WWOX: variants seen among roughly 807,000 people sequenced by gnomAD.
WWOX encodes the protein WW domain-containing oxidoreductase.
In WWOX, 69 loss-of-function variants were observed where a neutral mutation model predicts 46.2. That is an observed-to-expected ratio of 1.49 (90% confidence interval 1.23 to 1.82). The LOEUF (loss-of-function observed/expected upper bound fraction) is 1.82, where lower values mean the gene tolerates loss of function less well. Ranked by LOEUF, WWOX falls within the 40% of genes most tolerant of loss-of-function variation. The probability of loss-of-function intolerance (pLI) is 0.00; values close to 1 mark genes in which losing one functional copy is unlikely to be tolerated. For missense variants in WWOX, 919 were observed against 542.6 expected (o/e 1.69, Z -6.89); for synonymous variants, 359 against 202.6 (o/e 1.77, Z -6.56).
chr16:79,080,544 C>T lies in WWOX; in HGVS notation c.1057-131064C>T, dbSNP rs75732749. On this transcript the variant is annotated intron_variant, in intron 8 of 8. Coordinates refer to ENST00000566780, the MANE Select transcript of WWOX (RefSeq NM_016373.4). Reference sequence around the variant, plus strand: ...AGGAATTTGCACATTATAGCCACAACCATACCCAGAACCAGATTGTCTAAC... The same window carrying T: ...AGGAATTTGCACATTATAGCCACAATCATACCCAGAACCAGATTGTCTAAC... 1.6e-3 allele frequency among the ~76,000 whole-genome samples: 239 copies of T among 152,346 alleles called. 5 individuals carry two copies. The East Asian group carries it at 0.044, about 28-fold the overall frequency.
intron 8 of WWOX, among the ~76,000 whole-genome samples, chr16:79,176,653 A>G (rs980578865): frequency 6.6e-6 from 1 of 152,074 alleles, no homozygotes; most frequent in South Asian, 2.1e-4. Context: ...GAATCTATGG[A>G]CATGTCTTTT....
chr16:78,793,041 C>G (rs927726981), intron 8 of WWOX, among the ~76,000 whole-genome samples: 4 of 152,146 alleles, frequency 2.6e-5, no homozygotes, highest in African/African-American at 9.7e-5. Context: ...TGCCCCCTTT[C>G]TTTCTTTCAT....
intron 5 of WWOX, among the ~76,000 whole-genome samples, chr16:78,274,649 G>A (rs1358069318): frequency 6.6e-6 from 1 of 152,100 alleles, no homozygotes; most frequent in Non-Finnish European, 1.5e-5. Flanking sequence ...TTAGAGACAG[G>A]GGTTATCTAG....
chr16:78,405,322 A>G (rs1036365663), intron 6 of WWOX, among the ~76,000 whole-genome samples: 1 of 152,068 alleles, frequency 6.6e-6, no homozygotes, highest in African/African-American at 2.4e-5. Flanking sequence ...AACTGAAATA[A>G]AAAAAAATTA....
chr16:78,354,949 T>C (rs1420228831), intron 5 of WWOX, among the ~76,000 whole-genome samples: 2 of 151,978 alleles, frequency 1.3e-5, no homozygotes, highest in Non-Finnish European at 2.9e-5. Context: ...CTGGGCAACA[T>C]GGTGAAGCTC....
At chr16:79,194,959 G>C (rs2051209575) in intron 8 of WWOX, among the ~76,000 whole-genome samples, 1 of 152,102 alleles carries the variant, frequency 6.6e-6, no homozygotes, top group African/African-American at 2.4e-5. Context: ...AGATGCTACT[G>C]CTAATGCTGT....
intron 4 of WWOX, among the ~76,000 whole-genome samples, chr16:78,129,023 C>T (rs1409189365): frequency 6.6e-6 from 1 of 152,118 alleles, no homozygotes; most frequent in East Asian, 1.9e-4. Context: ...TGTAGTAGAT[C>T]CATATGGGGA....
At chr16:78,619,661 T>C (rs2046128220) in intron 8 of WWOX, among the ~76,000 whole-genome samples, 1 of 151,908 alleles carries the variant, frequency 6.6e-6, no homozygotes, top group Non-Finnish European at 1.5e-5. Flanking sequence ...AGCCAGCACT[T>C]CGGGAGTCCA....
chr16:78,378,849 G>C (rs2081889110), intron 5 of WWOX, among the ~76,000 whole-genome samples: 1 of 152,018 alleles, frequency 6.6e-6, no homozygotes. Flanking sequence ...ATTCTAACTG[G>C]GTAAAATAAA....
At chr16:78,592,787 C>G (rs1423448789) in intron 8 of WWOX, among the ~76,000 whole-genome samples, 1 of 152,132 alleles carries the variant, frequency 6.6e-6, no homozygotes, top group Admixed American at 6.5e-5. Flanking sequence ...GCCACTCCAC[C>G]GTCATCGATG....
chr16:78,808,020 C>A lies in WWOX; in HGVS notation c.1056+375268C>A, dbSNP rs181725441. On this transcript the variant is annotated intron_variant, in intron 8 of 8. Coordinates refer to ENST00000566780, the MANE Select transcript of WWOX (RefSeq NM_016373.4). ...TGTTCACTCCAGAATTAAAGTCAAC[C>A]AGTTCAAATGTCCCATCTTTCCCCA... 1.1e-4 allele frequency among the ~76,000 whole-genome samples: 17 copies of A among 152,288 alleles called. No homozygotes were observed. In the East Asian group the frequency reaches 2.9e-3, roughly 26 times the overall value.
intron 8 of WWOX, among the ~76,000 whole-genome samples, chr16:78,855,752 T>C (rs2052551517): frequency 6.6e-6 from 1 of 152,196 alleles, no homozygotes; most frequent in African/African-American, 2.4e-5. Flanking sequence ...CTAACTTCTG[T>C]GTTTGCTTCC....
intron 5 of WWOX, among the ~76,000 whole-genome samples, chr16:78,219,987 C>G (rs2036838954): frequency 6.6e-6 from 1 of 152,100 alleles, no homozygotes; most frequent in Non-Finnish European, 1.5e-5. Context: ...TAAAGTGTCT[C>G]CTGAATCATT....
At chr16:78,911,880 A>C (rs1053072258) in intron 8 of WWOX, among the ~76,000 whole-genome samples, 6 of 151,998 alleles carry the variant, frequency 3.9e-5, no homozygotes, top group African/African-American at 1.4e-4. Flanking sequence ...AGAAAAACTC[A>C]ACGAAACACC....
chr16:79,200,295 C>T (rs892655696), intron 8 of WWOX, among the ~76,000 whole-genome samples: 1 of 152,130 alleles, frequency 6.6e-6, no homozygotes, highest in Non-Finnish European at 1.5e-5. Context: ...GATCAAATGG[C>T]CCAGGCAGGA....
intron 8 of WWOX, among the ~76,000 whole-genome samples, chr16:78,815,283 C>T (rs1290214759): frequency 6.6e-6 from 1 of 151,702 alleles, no homozygotes; most frequent in Non-Finnish European, 1.5e-5. Flanking sequence ...CAAGATTGTG[C>T]CACTGCACTC....
intron 8 of WWOX, among the ~76,000 whole-genome samples, chr16:79,176,556 C>T (rs932960193): frequency 1.3e-5 from 2 of 152,150 alleles, no homozygotes; most frequent in Admixed American, 6.5e-5. Flanking sequence ...CTTGAGTCTT[C>T]TCTTTGGTCC....
chr16:78,429,552 G>T (rs377304928), intron 7 of WWOX, among the ~76,000 whole-genome samples: 28 of 152,182 alleles, frequency 1.8e-4, no homozygotes, highest in African/African-American at 6.7e-4. Flanking sequence ...GTAGAGAGAG[G>T]GAGGGGGTGG....
At chr16:78,231,714 T>C (rs2037271020) in intron 5 of WWOX, among the ~76,000 whole-genome samples, 1 of 152,174 alleles carries the variant, frequency 6.6e-6, no homozygotes, top group Admixed American at 6.5e-5. Flanking sequence ...GGAATTGCCA[T>C]TGGCTGAGTG....
Sources: allele counts gnomAD v4.1 joint callset (sites outside exome capture counted in the v4.1 genomes callset), GRCh38; gene constraint gnomAD v4.1.1; transcripts MANE v1.5; gene names NCBI Gene and HGNC (gene_info 2026-07-23, HGNC 2026-07-21).